Variants in CLDN10 observed in about 807,000 individuals in gnomAD.
CLDN10 encodes the protein claudin-10.
CLDN10 carries 15 observed loss-of-function variants against 22.9 expected under a neutral mutation model. The observed-to-expected ratio is 0.65, with a 90% CI of 0.44 to 1.01. CLDN10 has a LOEUF of 1.01. Ranked by LOEUF, CLDN10 falls within the 50% of genes least tolerant of loss-of-function variation. The pLI is 0.00. For missense variants in CLDN10, 247 were observed against 287.8 expected, an observed-to-expected ratio of 0.86 and a Z score of 1.03; for synonymous variants, 114 against 111.4, an observed-to-expected ratio of 1.02 and a Z score of -0.15.
rs190512967 is a variant in CLDN10 at position 95,559,163 on chromosome 13, C to T, written c.221-969C>T. ...TGCTTAGCAGATACTTACTTACACCCGGTATGTGCTACTATCACTATTTTA... is the reference window on the plus strand; with the variant it reads ...TGCTTAGCAGATACTTACTTACACCTGGTATGTGCTACTATCACTATTTTA... On this transcript the variant is annotated intron_variant, in intron 1 of 4. Transcript: ENST00000299339. 1.4e-3 allele frequency among the ~76,000 whole-genome samples: 207 copies of T among 152,236 alleles called. 4 individuals carry two copies. The Middle Eastern group carries it at 0.02, about 15-fold the overall frequency.
chr13:95,456,231 T>C (rs1335124347), intron 1 of CLDN10, among the ~76,000 whole-genome samples: 2 of 152,192 alleles, frequency 1.3e-5, no homozygotes, highest in Admixed American at 1.3e-4. Context: ...TCCAAGTAAA[T>C]CGTCTCCCAT....
intron 1 of CLDN10, among the ~76,000 whole-genome samples, chr13:95,446,705 G>A (rs1026720152): frequency 2.0e-5 from 3 of 152,142 alleles, no homozygotes; most frequent in African/African-American, 7.2e-5. Context: ...AGCTGGGTGT[G>A]GAAGCAGGCA....
intron 1 of CLDN10, among the ~76,000 whole-genome samples, chr13:95,471,312 T>A (rs1003777025): frequency 7.9e-5 from 12 of 151,134 alleles, no homozygotes; most frequent in Admixed American, 2.0e-4. Context: ...GTCACAGAAC[T>A]CCAAGAAGTG....
chr13:95,494,653 C>T (rs973377544), intron 1 of CLDN10, among the ~76,000 whole-genome samples: 1 of 152,056 alleles, frequency 6.6e-6, no homozygotes, highest in African/African-American at 2.4e-5. Flanking sequence ...GTTAAATGCC[C>T]GTTACAAATG....
chr13:95,471,928 A>G (rs546527699), intron 1 of CLDN10, among the ~76,000 whole-genome samples: 122 of 139,830 alleles, frequency 8.7e-4, no homozygotes, highest in Non-Finnish European at 1.4e-3. Flanking sequence ...GGCGCATGCC[A>G]CCACACTCAG....
chr13:95,455,741 A>T (rs1325604333), intron 1 of CLDN10, among the ~76,000 whole-genome samples: 1 of 152,180 alleles, frequency 6.6e-6, no homozygotes, highest in Non-Finnish European at 1.5e-5. Context: ...TCAATAAGAG[A>T]GTTGAATAAC....
chr13:95,567,412 GCTCT>G (rs1182256763), intron 3 of CLDN10, among the ~76,000 whole-genome samples: 21 of 152,196 alleles, frequency 1.4e-4, no homozygotes. Flanking sequence ...TCATGATTTG[GCTCT>G]CTGTTTGTCT....
At chr13:95,437,117 C>T (rs559790571) in intron 1 of CLDN10, among the ~76,000 whole-genome samples, 3 of 152,146 alleles carry the variant, frequency 2.0e-5, no homozygotes, top group African/African-American at 7.2e-5. Flanking sequence ...ATAGCTAACC[C>T]TCTTGAATGC....
At chr13:95,483,507 C>A (rs2042771983) in intron 1 of CLDN10, among the ~76,000 whole-genome samples, 1 of 152,130 alleles carries the variant, frequency 6.6e-6, no homozygotes, top group Admixed American at 6.5e-5. Flanking sequence ...CTGTGCCCGG[C>A]CTCTTAATTT....
intron 1 of CLDN10, among the ~76,000 whole-genome samples, chr13:95,474,161 C>T (rs544685463): frequency 2.8e-4 from 42 of 152,216 alleles, no homozygotes; most frequent in Middle Eastern, 6.8e-3. Context: ...TGAAACTAGA[C>T]GGTCCCATCT....
At chr13:95,515,960 G>T (rs1350026061) in intron 1 of CLDN10, among the ~76,000 whole-genome samples, 5 of 152,020 alleles carry the variant, frequency 3.3e-5, no homozygotes, top group Admixed American at 3.3e-4. Context: ...TGTAATCCCA[G>T]CTACTCAGGA....
intron 1 of CLDN10, among the ~76,000 whole-genome samples, chr13:95,531,724 G>C (rs903100743): frequency 6.8e-6 from 1 of 146,532 alleles, no homozygotes; most frequent in Non-Finnish European, 1.5e-5. Flanking sequence ...GATATTTTTA[G>C]TGGAGACGGG....
At chr13:95,531,994 CCAAA>C (rs2043348250) in intron 1 of CLDN10, among the ~76,000 whole-genome samples, 1 of 151,956 alleles carries the variant, frequency 6.6e-6, no homozygotes, top group Non-Finnish European at 1.5e-5. Context: ...CTGATTCATA[CCAAA>C]CAAACAATAA....
intron 1 of CLDN10, among the ~76,000 whole-genome samples, chr13:95,542,015 G>A (rs534795827): frequency 4.4e-4 from 67 of 152,196 alleles, no homozygotes; most frequent in Non-Finnish European, 2.8e-4. Context: ...CTTCTGGGGA[G>A]GCCTCAGGAA....
intron 1 of CLDN10, among the ~76,000 whole-genome samples, chr13:95,519,285 A>C (rs1202256247): frequency 6.6e-6 from 1 of 152,178 alleles, no homozygotes; most frequent in Non-Finnish European, 1.5e-5. Context: ...TGGACCAGAG[A>C]CCTAAACAAG....
At chr13:95,448,024 G>T (rs1317553932) in intron 1 of CLDN10, among the ~76,000 whole-genome samples, 1 of 152,110 alleles carries the variant, frequency 6.6e-6, no homozygotes, top group Non-Finnish European at 1.5e-5. Flanking sequence ...ATCTGCCATT[G>T]CACAGGTGCT....
intron 1 of CLDN10, among the ~76,000 whole-genome samples, chr13:95,492,942 C>T (rs903479829): frequency 1.5e-4 from 23 of 152,206 alleles, no homozygotes; most frequent in African/African-American, 5.5e-4. Flanking sequence ...AGACCTTCCG[C>T]TTCCCCAGTG....
intron 1 of CLDN10, among the ~76,000 whole-genome samples, chr13:95,481,926 G>A (rs1016126087): frequency 2.6e-5 from 4 of 152,162 alleles, no homozygotes; most frequent in African/African-American, 9.7e-5. Context: ...GGCTGAGGCA[G>A]GAGGATCACT....
chr13:95,570,053 A>G (rs188463167), intron 3 of CLDN10, among the ~76,000 whole-genome samples: 66 of 152,304 alleles, frequency 4.3e-4, no homozygotes, highest in African/African-American at 1.4e-3. Flanking sequence ...GTCCATCTGT[A>G]TATTTTTACC....
Sources: allele counts gnomAD v4.1 joint callset (sites outside exome capture counted in the v4.1 genomes callset), GRCh38; gene constraint gnomAD v4.1.1; transcripts MANE v1.5; gene names NCBI Gene and HGNC (gene_info 2026-07-23, HGNC 2026-07-21).